The following PKHD1 variants were observed in gnomAD, a reference collection of about 807,000 sequenced individuals.
PKHD1 encodes the protein fibrocystin.
PKHD1 carries 291 observed loss-of-function variants against 412.0 expected under a neutral mutation model. The ratio of observed to expected loss-of-function variants is 0.71; its 90% confidence interval spans 0.64 to 0.78. The LOEUF is 0.78. Among genes scored for constraint, PKHD1 ranks in the 30% least tolerant of loss-of-function variants. PKHD1 has a pLI of 0.00. For missense variants in PKHD1, 4,825 were observed against 4,950.7 expected, an observed-to-expected ratio of 0.97 and a Z score of 0.76; for synonymous variants, 1,777 against 1,821.5, an observed-to-expected ratio of 0.98 and a Z score of 0.62.
intron 52 of PKHD1, among the ~76,000 whole-genome samples, chr6:51,816,782 C>T (rs968720017): frequency 4.6e-5 from 7 of 152,258 alleles, no homozygotes; most frequent in African/African-American, 1.7e-4. Flanking sequence ...CATAAATCCT[C>T]TGCCACATGG....
intron 35 of PKHD1, among the ~76,000 whole-genome samples, chr6:51,961,745 G>C (rs1192883099): frequency 6.6e-6 from 1 of 152,086 alleles, no homozygotes; most frequent in East Asian, 1.9e-4. Context: ...GGGTGAACCA[G>C]GTTATCTGTA....
chr6:52,038,148 G>A (rs563988329), intron 27 of PKHD1, among the ~76,000 whole-genome samples: 233 of 152,254 alleles, frequency 1.5e-3, no homozygotes, highest in Non-Finnish European at 2.9e-3. Flanking sequence ...TTGGGAGGCC[G>A]AGGCAGGCAG....
In PKHD1 at chr6:51,693,121, T is replaced by C. The variant is rs549242726; in HGVS notation, c.10157-33152A>G. 1.5e-4 allele frequency among the ~76,000 whole-genome samples: 23 copies of C among 152,306 alleles called. No homozygotes were observed. The South Asian group carries it at 4.8e-3, about 32-fold the overall frequency. ...GTTATTTGTCAACACATATGTCCCC[T>C]GCACAAGTGCACATTCATACACACA... On this transcript the variant is annotated intron_variant, in intron 60 of 66. Coordinates refer to ENST00000371117, the MANE Select transcript of PKHD1 (RefSeq NM_138694.4).
At chr6:51,782,623 C>G (rs940599308) in intron 53 of PKHD1, among the ~76,000 whole-genome samples, 4 of 152,174 alleles carry the variant, frequency 2.6e-5, no homozygotes, top group African/African-American at 7.2e-5. Flanking sequence ...ATAAACTGAA[C>G]TAACCATCTA....
intron 56 of PKHD1, 35 bp from the exon 57 acceptor site, chr6:51,753,388 T>G (rs769533704): frequency 1.3e-6 from 2 of 1,590,972 alleles, no homozygotes; most frequent in South Asian, 1.1e-5. Flanking sequence ...AAAAAAACTT[T>G]AAAAACCTGT....
rs908471670 is a variant in PKHD1 at position 51,697,134 on chromosome 6, C to T, written c.10157-37165G>A. Among the ~76,000 whole-genome samples, 16 of 152,056 alleles carry T rather than the reference C, an allele frequency of 1.1e-4. No homozygotes were observed. The South Asian group carries it at 2.3e-3, about 22-fold the overall frequency. Reference sequence around the variant, plus strand: ...GGCAGAGGTTGCAGTGACGTGAGATCGTACCACTGCACTCCAGCCTGGGCA... The same window carrying T: ...GGCAGAGGTTGCAGTGACGTGAGATTGTACCACTGCACTCCAGCCTGGGCA... On this transcript the variant is annotated intron_variant, in intron 60 of 66. Coordinates refer to ENST00000371117, the MANE Select transcript of PKHD1 (RefSeq NM_138694.4).
chr6:51,913,231 T>C (rs1476010809), intron 37 of PKHD1, among the ~76,000 whole-genome samples: 1 of 152,050 alleles, frequency 6.6e-6, no homozygotes, highest in African/African-American at 2.4e-5. Context: ...AAACAAAAAT[T>C]ATCTCTTAGA....
intron 52 of PKHD1, among the ~76,000 whole-genome samples, chr6:51,819,782 C>A (rs1326598): frequency 0.92 from 140,229 of 152,206 alleles, 65,742 homozygotes; most frequent in East Asian, 1. Flanking sequence ...TGATGGAATA[C>A]ATGTAAATCA....
intron 35 of PKHD1, among the ~76,000 whole-genome samples, chr6:51,982,185 TG>T (rs530587240): frequency 5.1e-5 from 1 of 19,670 alleles, no homozygotes. Flanking sequence ...GGGAGGGAGG[TG>T]GGGGGGTCAG....
chr6:51,648,082 G>C lies in PKHD1; in HGVS notation c.11347C>G (p.Pro3783Ala), dbSNP rs549556243. Residue 3783 changes from proline to alanine, a missense_variant, in exon 63 of 67, where the codon CCA (proline) becomes GCA (alanine). Transcript: ENST00000371117. ...TCCAGGGAAGCTGAAATTGTCCATG[G>C]CTCTGAAGGAGGTCCCAGGGACTCT... ...RVESLGPPSEPWTISASLEGA... is the reference protein window; with the variant it reads ...RVESLGPPSEAWTISASLEGA... The C allele has an allele frequency of 4.2e-5, 67 of 1,608,982 alleles. No individual in the cohort carries two copies. The South Asian group carries it at 7.1e-4, about 17-fold the overall frequency.
intron 35 of PKHD1, among the ~76,000 whole-genome samples, chr6:52,003,683 C>G (rs1438965245): frequency 6.6e-6 from 1 of 152,190 alleles, no homozygotes; most frequent in Non-Finnish European, 1.5e-5. Flanking sequence ...CAAGAATTTT[C>G]AAACATACTG....
chr6:51,915,987 G>A (rs546873015), intron 37 of PKHD1, among the ~76,000 whole-genome samples: 71 of 152,140 alleles, frequency 4.7e-4, no homozygotes, highest in African/African-American at 1.6e-3. Context: ...GCAGGCTCAG[G>A]GAAGCCTGGG....
At chr6:51,889,000 A>T (rs548437910) in intron 43 of PKHD1, among the ~76,000 whole-genome samples, 5 of 152,066 alleles carry the variant, frequency 3.3e-5, no homozygotes, top group Admixed American at 1.3e-4. Context: ...GTGGTTGTCC[A>T]AAGTCAAGAT....
intron 46 of PKHD1, among the ~76,000 whole-genome samples, chr6:51,880,882 C>A (rs927380520): frequency 1.4e-5 from 2 of 145,430 alleles, no homozygotes; most frequent in African/African-American, 2.6e-5. Flanking sequence ...AGGAGAATGG[C>A]GTGAACCCGG....
chr6:51,891,323 A>G (rs542979828), intron 43 of PKHD1, among the ~76,000 whole-genome samples: 125 of 152,204 alleles, frequency 8.2e-4, no homozygotes, highest in Non-Finnish European at 1.5e-3. Context: ...CTTGTTGCCC[A>G]GGCTGGAGTG....
intron 51 of PKHD1, among the ~76,000 whole-genome samples, chr6:51,834,188 G>A (rs1046151040): frequency 1.2e-4 from 19 of 152,134 alleles, no homozygotes; most frequent in Admixed American, 1.2e-3. Flanking sequence ...GCACTGAACA[G>A]AAGAAGCCAG....
At chr6:51,628,100 A>C (rs1408991366) in intron 65 of PKHD1, among the ~76,000 whole-genome samples, 2 of 152,116 alleles carry the variant, frequency 1.3e-5, no homozygotes, top group Admixed American at 1.3e-4. Context: ...TTTTAGGTTC[A>C]GGGGGTACAT....
At chr6:52,020,914 GA>G (rs67254109) in intron 33 of PKHD1, among the ~76,000 whole-genome samples, 144,141 of 149,386 alleles carry the variant, frequency 0.96, 69,727 homozygotes, top group East Asian at 1. Flanking sequence ...ACTTCCTAGG[GA>G]AAAAAAAAAA....
chr6:51,631,939 CTTT>C (rs1196969455), intron 65 of PKHD1, among the ~76,000 whole-genome samples: 1 of 130,026 alleles, frequency 7.7e-6, no homozygotes. Flanking sequence ...TTTTTTTTTT[CTTT>C]TTTTTTTTTT....
Sources: gnomAD v4.1 joint callset for allele counts (sites outside exome capture counted in the v4.1 genomes callset) on GRCh38, gnomAD v4.1.1 for gene constraint, MANE v1.5 for transcripts, NCBI Gene and HGNC (gene_info 2026-07-23, HGNC 2026-07-21) for gene names.